KL: variants seen among roughly 807,000 people sequenced by gnomAD.
KL encodes the protein alpha-klotho.
Under a neutral mutation model 84.2 loss-of-function variants are expected in KL, and 62 were observed. That is an observed-to-expected ratio of 0.74 (90% confidence interval 0.60 to 0.91). KL has a LOEUF of 0.91. Ranked by LOEUF, KL falls within the 40% of genes least tolerant of loss-of-function variation. KL has a pLI of 0.00. For missense variants in KL, 1,261 were observed against 1,305.7 expected, an observed-to-expected ratio of 0.97 and a Z score of 0.53; for synonymous variants, 528 against 528.0, an observed-to-expected ratio of 1.00 and a Z score of 0.00.
intron 1 of KL, among the ~76,000 whole-genome samples, chr13:33,024,514 G>A (rs1243443877): frequency 6.6e-6 from 1 of 152,160 alleles, no homozygotes; most frequent in African/African-American, 2.4e-5. Context: ...CCCTGTGCCG[G>A]ACCCTGTAGA....
chr13:33,040,980 A>G (rs1034874734), intron 1 of KL, among the ~76,000 whole-genome samples: 1 of 152,120 alleles, frequency 6.6e-6, no homozygotes, highest in African/African-American at 2.4e-5. Context: ...ACTTGTTACT[A>G]TCTTTTTTGG....
rs1270396857 is a variant in KL at position 33,065,283 on chromosome 13, T to C, written c.*1097T>C. The C allele has an allele frequency of 4.7e-6, 1 of 214,284 alleles. No homozygotes were observed. Among genetic ancestry groups the C allele is most frequent in the Admixed American group, 5.8e-5 (1 of 17,106 alleles). The allele number at this position is 214,284 out of a possible 1,614,324, so 13.3% of individuals were successfully genotyped here. A position where few individuals can be genotyped will look rare whatever the true frequency, so the allele number is the denominator to read the frequency against. On this transcript the variant is annotated 3_prime_UTR_variant, in exon 5 of 5. Coordinates refer to ENST00000380099, the MANE Select transcript of KL (RefSeq NM_004795.4). ...TGTTTCTGTGATCTCTGAGGTCTATTTTATGTTTTTGCTGCTACTTCTGTG... is the reference window on the plus strand; with the variant it reads ...TGTTTCTGTGATCTCTGAGGTCTATCTTATGTTTTTGCTGCTACTTCTGTG...
At chr13:33,041,993 T>C (rs888694800) in intron 1 of KL, among the ~76,000 whole-genome samples, 1 of 152,292 alleles carries the variant, frequency 6.6e-6, no homozygotes, top group East Asian at 1.9e-4. Flanking sequence ...GATCATATTT[T>C]GAATCCCCTA....
chr13:33,061,853 A>T (rs915984172), intron 4 of KL, 73 bp downstream of exon 4: 1 of 1,467,224 alleles, frequency 6.8e-7, no homozygotes, highest in African/African-American at 1.4e-5. Context: ...TTAAATCTCC[A>T]ACATCAACAC....
intron 3 of KL, among the ~76,000 whole-genome samples, chr13:33,055,531 TA>T (rs1375423767): frequency 1.3e-5 from 2 of 152,218 alleles, no homozygotes; most frequent in African/African-American, 4.8e-5. Flanking sequence ...CAAAGATAAA[TA>T]AATTTAAAGC....
Position 33,027,141 on chromosome 13 carries a change from A to G in KL, c.819+9882A>G, listed in dbSNP as rs530547573. Among the ~76,000 whole-genome samples, 73 of 152,016 alleles carry G rather than the reference A, an allele frequency of 4.8e-4. 1 individual carries two copies. Among genetic ancestry groups the G allele is most frequent in the Non-Finnish European group, 6.5e-4 (44 of 67,960 alleles). ...TTCCTTGGTCAAGGACCCCAGCGCT[A>G]CTCCTCAGGATTTGCAGTGCATGCT... is the stretch of plus-strand genomic sequence containing the variant. On this transcript the variant is annotated intron_variant, in intron 1 of 4. Transcript: ENST00000380099.
chr13:33,029,353 G>T (rs1374475823), intron 1 of KL, among the ~76,000 whole-genome samples: 1 of 152,172 alleles, frequency 6.6e-6, no homozygotes, highest in Non-Finnish European at 1.5e-5. Context: ...TCTGTCCCAT[G>T]AATCAATGTT....
intron 1 of KL, among the ~76,000 whole-genome samples, chr13:33,021,318 T>C (rs1294455759): frequency 6.6e-6 from 1 of 152,212 alleles, no homozygotes; most frequent in Non-Finnish European, 1.5e-5. Flanking sequence ...AAATTTAAGG[T>C]TCATCATCAA....
chr13:33,029,081 G>A (rs1004099716), intron 1 of KL, among the ~76,000 whole-genome samples: 1 of 152,158 alleles, frequency 6.6e-6, no homozygotes, highest in African/African-American at 2.4e-5. Flanking sequence ...TTTAAACCAT[G>A]AACATATATT....
intron 1 of KL, among the ~76,000 whole-genome samples, chr13:33,026,452 G>GA (rs1376083447): frequency 6.6e-6 from 1 of 151,326 alleles, no homozygotes; most frequent in Non-Finnish European, 1.5e-5. Context: ...GGGGTGGGGG[G>GA]GTCATACCTC....
intron 1 of KL, among the ~76,000 whole-genome samples, chr13:33,034,705 T>A (rs971873356): frequency 7.2e-5 from 11 of 152,224 alleles, no homozygotes; most frequent in Non-Finnish European, 7.3e-5. Context: ...GGAATCTCCG[T>A]GAGGGCACGG....
In KL at chr13:33,066,118, C is replaced by T. The variant is rs966788398; in HGVS notation, c.*1932C>T. On this transcript the variant is annotated 3_prime_UTR_variant, in exon 5 of 5. Coordinates refer to ENST00000380099, the MANE Select transcript of KL (RefSeq NM_004795.4). ...ATTATATTAATAATAAATCTGCCTGCAACTTTTTGCCTTCTTTCATAATCA... is the reference window on the plus strand; with the variant it reads ...ATTATATTAATAATAAATCTGCCTGTAACTTTTTGCCTTCTTTCATAATCA... The T allele has an allele frequency of 5.9e-5, 10 of 170,348 alleles. No homozygotes were observed. The highest frequency in any genetic ancestry group is 2.4e-4 in the African/African-American group (10 of 42,048). The allele number at this position is 170,348 out of a possible 1,614,324, so 10.6% of individuals were successfully genotyped here. A position where few individuals can be genotyped will look rare whatever the true frequency, so the allele number is the denominator to read the frequency against.
Position 33,064,082 on chromosome 13 carries a change from C to T in KL, c.2935C>T (p.Arg979Ter), listed in dbSNP as rs761487869. 7 of 1,613,934 alleles carry T rather than the reference C, an allele frequency of 4.3e-6. No homozygotes were observed. Among genetic ancestry groups the T allele is most frequent in the African/African-American group, 1.3e-5 (1 of 75,008 alleles). The change falls in exon 5 of 5, where the codon CGA becomes TGA. Residue 979 changes from arginine to a stop codon, truncating the protein, a stop_gained. Transcript: ENST00000380099. LOFTEE classifies it high-confidence loss of function. ...VCTECSFFHTRKSLLAFIAFL... is the reference protein window; with the variant it reads ...VCTECSFFHT ...TACTGAGTGCAGTTTTTTTCACACC[C>T]GAAAGTCTTTACTGGCTTTCATAGC...
chr13:33,046,330 G>T (rs1871527998), intron 1 of KL, among the ~76,000 whole-genome samples: 1 of 152,152 alleles, frequency 6.6e-6, no homozygotes, highest in Admixed American at 6.5e-5. Flanking sequence ...ACCTAGATTA[G>T]ATTTTGTATT....
chr13:33,063,959 A>G lies in KL; in HGVS notation c.2812A>G (p.Lys938Glu), dbSNP rs1872310571. Residue 938 changes from lysine to glutamate, a missense_variant, in exon 5 of 5, where the codon AAG (lysine) becomes GAG (glutamate). Transcript: ENST00000380099. ...YRYAADQFEP[K>E]ASMKHYRKII... ...TTATGCTGCAGATCAGTTTGAGCCC[A>G]AGGCATCCATGAAACATTACAGGAA... 3.7e-6 allele frequency: 6 copies of G among 1,614,100 alleles called. No individual in the cohort carries two copies. The highest frequency in any genetic ancestry group is 5.1e-6 in the Non-Finnish European group (6 of 1,180,052).
Position 33,064,212 on chromosome 13 carries a change from T to C in KL, c.*26T>C. The stretch of plus-strand genomic sequence containing the variant: ...TTCTGAACATTTTTCTATTCATTCA[T>C]TTTGAAATAATTATGCAGACACATC... On this transcript the variant is annotated 3_prime_UTR_variant, in exon 5 of 5. Transcript: ENST00000380099. The C allele has an allele frequency of 3.3e-6, 5 of 1,520,682 alleles. No homozygotes were observed. Among genetic ancestry groups the C allele is most frequent in the Non-Finnish European group, 4.5e-6 (5 of 1,099,222 alleles). 94.2% of individuals were successfully genotyped at this position (1,520,682 alleles called of 1,614,324 possible).
chr13:33,027,332 T>A (rs923356725), intron 1 of KL, among the ~76,000 whole-genome samples: 5 of 152,218 alleles, frequency 3.3e-5, no homozygotes, highest in Non-Finnish European at 5.9e-5. Context: ...AAAGAAGTGC[T>A]ATCTCTTACT....
Position 33,061,713 on chromosome 13 carries a change from G to C in KL, c.2634G>C (p.Gly878=), listed in dbSNP as rs1477519918. The change falls in exon 4 of 5, where the codon GGG becomes GGC. Residue 878 remains glycine, a synonymous_variant. Coordinates refer to ENST00000380099, the MANE Select transcript of KL (RefSeq NM_004795.4). ...MYIISNGIDD[G]LHAEDDQLRV... ...TAATATCCAATGGAATCGATGACGG[G>C]CTGCATGCTGAGGACGACCAGCTGA... 6.2e-7 allele frequency: 1 copy of C among 1,613,946 alleles called. No homozygotes were observed. Among genetic ancestry groups the C allele is most frequent in the Non-Finnish European group, 8.5e-7 (1 of 1,179,858 alleles).
intron 1 of KL, among the ~76,000 whole-genome samples, chr13:33,036,901 A>T (rs1039441798): frequency 6.6e-6 from 1 of 152,212 alleles, no homozygotes; most frequent in Non-Finnish European, 1.5e-5. Context: ...CAAAAGTAGC[A>T]TACGTCATAA....
Sources: gnomAD v4.1 joint callset for allele counts (sites outside exome capture counted in the v4.1 genomes callset) on GRCh38, gnomAD v4.1.1 for gene constraint, MANE v1.5 for transcripts, NCBI Gene and HGNC (gene_info 2026-07-23, HGNC 2026-07-21) for gene names.